The following GDA variants were observed in gnomAD, a reference collection of about 807,000 sequenced individuals.
GDA encodes the protein guanine deaminase.
GDA carries 18 observed loss-of-function variants against 59.6 expected under a neutral mutation model. That is an observed-to-expected ratio of 0.30 (90% CI 0.21 to 0.45). The LOEUF (loss-of-function observed/expected upper bound fraction) is 0.45, where lower values mean the gene tolerates loss of function less well. Ranked by LOEUF, GDA falls within the 20% of genes least tolerant of loss-of-function variation. The pLI is 1.00. For missense variants in GDA, 427 were observed against 552.3 expected, an observed-to-expected ratio of 0.77 and a Z score of 2.27; for synonymous variants, 201 against 201.1, an observed-to-expected ratio of 1.00 and a Z score of 0.00.
chr9:72,258,366 A>G (rs1840908679), downstream of GDA, among the ~76,000 whole-genome samples: 1 of 152,188 alleles, frequency 6.6e-6, no homozygotes, highest in Admixed American at 6.5e-5. Flanking sequence ...TGGTAGATTC[A>G]GTCAAAAATG....
Position 72,250,695 on chromosome 9 carries a change from T to C in GDA, c.*2353T>C. 1.9e-6 allele frequency: 3 copies of C among 1,611,174 alleles called. No homozygotes were observed. The highest frequency in any genetic ancestry group is 2.5e-6 in the Non-Finnish European group (3 of 1,179,084). ...ACTTTCTGAATTGTGGAGAGGCACT[T>C]TTCCAAGCCAATCTTATTTGTCACT... On this transcript the variant is annotated 3_prime_UTR_variant, in exon 14 of 14. Coordinates refer to ENST00000358399, the MANE Select transcript of GDA (RefSeq NM_004293.5).
intron 3 of GDA, among the ~76,000 whole-genome samples, chr9:72,206,304 T>A (rs1242965149): frequency 6.6e-6 from 1 of 152,196 alleles, no homozygotes; most frequent in African/African-American, 2.4e-5. Context: ...TTTCATTCTG[T>A]TCCCTTCTTC....
At chr9:72,241,098 T>C (rs1839563218) in intron 10 of GDA, 54 bp from the exon 11 acceptor site, 7 of 1,329,792 alleles carry the variant, frequency 5.3e-6, no homozygotes, top group Non-Finnish European at 7.4e-6. Flanking sequence ...ATATATGTAT[T>C]ATTCCATTTA....
chr9:72,177,315 C>T (rs944580494), intron 1 of GDA, among the ~76,000 whole-genome samples: 2 of 151,970 alleles, frequency 1.3e-5, no homozygotes, highest in Non-Finnish European at 2.9e-5. Context: ...CCAGACTGGT[C>T]TCAAACTCCT....
At chr9:72,241,339 A>G (rs750523462) in intron 11 of GDA, 41 bp downstream of exon 11, 10 of 1,456,268 alleles carry the variant, frequency 6.9e-6, no homozygotes, top group Non-Finnish European at 9.4e-6. Flanking sequence ...ATATACAACC[A>G]TGCTGATCGG....
intron 1 of GDA, among the ~76,000 whole-genome samples, chr9:72,159,697 C>T (rs572831494): frequency 4.6e-5 from 7 of 152,244 alleles, no homozygotes; most frequent in Non-Finnish European, 1.0e-4. Context: ...ATACACTCAT[C>T]AACAAAACAC....
intron 1 of GDA, among the ~76,000 whole-genome samples, chr9:72,120,437 G>T (rs1283644242): frequency 6.6e-6 from 1 of 151,954 alleles, no homozygotes; most frequent in Non-Finnish European, 1.5e-5. Context: ...CAGTTGATCC[G>T]CCCGCCTCAG....
At chr9:72,171,113 C>T (rs1038911161) in intron 1 of GDA, among the ~76,000 whole-genome samples, 6 of 152,132 alleles carry the variant, frequency 3.9e-5, no homozygotes, top group Non-Finnish European at 7.3e-5. Flanking sequence ...CACCATCCAC[C>T]GTGCTCTGGG....
At chr9:72,254,755 C>A (rs1840847462), downstream of GDA, among the ~76,000 whole-genome samples, 1 of 152,160 alleles carries the variant, frequency 6.6e-6, no homozygotes, top group Non-Finnish European at 1.5e-5. Flanking sequence ...CAAATAAAAC[C>A]CATAAGTGGA....
intron 1 of GDA, among the ~76,000 whole-genome samples, chr9:72,184,746 G>A (rs537352246): frequency 3.3e-5 from 5 of 152,246 alleles, no homozygotes; most frequent in Non-Finnish European, 5.9e-5. Context: ...AGTCCCTGAC[G>A]TTAAAGAAAA....
chr9:72,240,679 G>A (rs892195649), intron 10 of GDA, among the ~76,000 whole-genome samples: 1 of 152,160 alleles, frequency 6.6e-6, no homozygotes, highest in African/African-American at 2.4e-5. Flanking sequence ...GAGACAAATA[G>A]AAGACACAGG....
chr9:72,147,300 G>A (rs779786317), upstream of GDA, among the ~76,000 whole-genome samples: 10 of 152,096 alleles, frequency 6.6e-5, no homozygotes, highest in Non-Finnish European at 1.0e-4. Flanking sequence ...CTCCGCCTCC[G>A]GGGTTCAAGC....
intron 1 of GDA, among the ~76,000 whole-genome samples, chr9:72,163,118 G>C (rs887360251): frequency 6.6e-6 from 1 of 152,164 alleles, no homozygotes; most frequent in Non-Finnish European, 1.5e-5. Context: ...GAAACAGGGA[G>C]CTCTGTGAGA....
upstream of GDA, among the ~76,000 whole-genome samples, chr9:72,144,580 A>G (rs886409346): frequency 1.3e-4 from 20 of 152,178 alleles, no homozygotes; most frequent in African/African-American, 4.8e-4. Context: ...TAAGTGAACA[A>G]ACTGTTAAAG....
Position 72,149,518 on chromosome 9 carries a change from C to G in GDA, c.-42C>G, listed in dbSNP as rs1373343992. On this transcript the variant is annotated 5_prime_UTR_variant, in exon 1 of 14. Coordinates refer to ENST00000358399, the MANE Select transcript of GDA (RefSeq NM_004293.5). Reference sequence around the variant, plus strand: ...TCCCGCTGCGTCTCCGCCGCGTGCGCCCTCCTCGACCAGCAGACCCGCGCT... The same window carrying G: ...TCCCGCTGCGTCTCCGCCGCGTGCGGCCTCCTCGACCAGCAGACCCGCGCT... 1.2e-6 allele frequency: 2 copies of G among 1,602,384 alleles called. No homozygotes were observed. Among genetic ancestry groups the G allele is most frequent in the Admixed American group, 1.7e-5 (1 of 59,658 alleles).
chr9:72,218,783 GC>G (rs1355950412), intron 5 of GDA, among the ~76,000 whole-genome samples: 1 of 152,180 alleles, frequency 6.6e-6, no homozygotes, highest in African/African-American at 2.4e-5. Context: ...GAGCTTCATG[GC>G]TTCTAAAAGC....
downstream of GDA, among the ~76,000 whole-genome samples, chr9:72,252,889 TAGAC>T (rs1283951935): frequency 2.0e-5 from 3 of 152,196 alleles, no homozygotes; most frequent in Non-Finnish European, 4.4e-5. Context: ...AAAGGATACA[TAGAC>T]AGCACTTAAG....
intron 1 of GDA, among the ~76,000 whole-genome samples, chr9:72,118,642 T>A (rs1825553948): frequency 1.3e-5 from 2 of 152,172 alleles, no homozygotes; most frequent in African/African-American, 4.8e-5. Flanking sequence ...TATAAATACA[T>A]GAAAAAAATG....
intron 1 of GDA, among the ~76,000 whole-genome samples, chr9:72,184,223 A>G (rs1358052739): frequency 6.6e-6 from 1 of 152,242 alleles, no homozygotes; most frequent in Admixed American, 6.5e-5. Flanking sequence ...ATTATCAACC[A>G]AAGTCCACAG....
Sources: allele counts gnomAD v4.1 joint callset (sites outside exome capture counted in the v4.1 genomes callset), GRCh38; gene constraint gnomAD v4.1.1; transcripts MANE v1.5; gene names NCBI Gene and HGNC (gene_info 2026-07-23, HGNC 2026-07-21).